The following TRAPPC11 variants were observed in gnomAD, a reference collection of about 807,000 sequenced individuals.
The protein encoded by TRAPPC11 is foie gras homolog.
In TRAPPC11, 104 loss-of-function variants were observed where a neutral mutation model predicts 151.2. The ratio of observed to expected loss-of-function variants is 0.69; its 90% CI spans 0.59 to 0.81. The LOEUF (loss-of-function observed/expected upper bound fraction) is 0.81. Ranked by LOEUF, TRAPPC11 falls within the 30% of genes least tolerant of loss-of-function variation. The pLI is 0.00. For missense variants in TRAPPC11, 1,230 were observed against 1,349.6 expected (o/e 0.91, Z 1.39); for synonymous variants, 456 against 472.3 (o/e 0.97, Z 0.45).
At chr4:183,704,277 T>G in intron 26 of TRAPPC11, among the ~76,000 whole-genome samples, 1 of 152,150 alleles carries the variant, frequency 6.6e-6, no homozygotes, top group Non-Finnish European at 1.5e-5. Flanking sequence ...TCCCAGCACT[T>G]TGGGAAGCTG....
At chr4:183,660,939 G>A (rs568278070) in intron 1 of TRAPPC11, among the ~76,000 whole-genome samples, 1 of 147,846 alleles carries the variant, frequency 6.8e-6, no homozygotes, top group African/African-American at 2.4e-5. Flanking sequence ...GTTTTGAACC[G>A]TTGACCTCGT....
intron 1 of TRAPPC11, among the ~76,000 whole-genome samples, chr4:183,662,632 A>G (rs1353504907): frequency 6.6e-6 from 1 of 152,192 alleles, no homozygotes; most frequent in Non-Finnish European, 1.5e-5. Context: ...GCTACTATTT[A>G]GATAATTACA....
At chr4:183,673,708 G>A (rs940015084) in intron 5 of TRAPPC11, among the ~76,000 whole-genome samples, 1 of 152,088 alleles carries the variant, frequency 6.6e-6, no homozygotes, top group African/African-American at 2.4e-5. Flanking sequence ...ATAATGAAAT[G>A]AAATGAAATG....
rs1242320725 is a variant in TRAPPC11 at position 183,712,793 on chromosome 4, T to C, written c.*149T>C. ...TATACCAACTATTCAGAGGAACTCA[T>C]ACTTCAAAAATATTAGGAAAATCTG... is the stretch of plus-strand genomic sequence containing the variant. On this transcript the variant is annotated 3_prime_UTR_variant, in exon 30 of 30. Transcript: ENST00000334690. 1.6e-6 allele frequency: 1 copy of C among 611,820 alleles called. No individual in the cohort carries two copies. Among genetic ancestry groups the C allele is most frequent in the African/African-American group, 1.9e-5 (1 of 53,704 alleles). The allele number at this position is 611,820 out of a possible 1,614,324, so 37.9% of individuals were successfully genotyped here. A position where few individuals can be genotyped will look rare whatever the true frequency, so the allele number is the denominator to read the frequency against.
rs2111364937 is a variant in TRAPPC11 at position 183,684,696 on chromosome 4, G to T, written c.1422G>T (p.Lys474Asn). ...AGTATTACATTTTGTCTTCTTTGAGGTTGCTGGATTATGTGATGTGTGATT... is the reference window on the plus strand; with the variant it reads ...AGTATTACATTTTGTCTTCTTTGAGTTTGCTGGATTATGTGATGTGTGATT... ...YYAKDYTKALKLLDYVMCDYR... is the reference protein window; with the variant it reads ...YYAKDYTKALNLLDYVMCDYR... Residue 474 changes from lysine to asparagine, a missense_variant and splice_region_variant, in exon 15 of 30, where the codon AAG becomes AAT. Lys to Asn is a moderately conservative substitution (Grantham distance 94). Transcript: ENST00000334690. 1 of 1,613,660 alleles carries T rather than the reference G, an allele frequency of 6.2e-7. No individual in the cohort carries two copies. Among genetic ancestry groups the T allele is most frequent in the Non-Finnish European group, 8.5e-7 (1 of 1,179,842 alleles).
intron 11 of TRAPPC11, 83 bp from the exon 12 acceptor site, chr4:183,683,892 C>CA: frequency 9.4e-7 from 1 of 1,069,120 alleles, no homozygotes; most frequent in Non-Finnish European, 1.4e-6. Flanking sequence ...ATAAAGGTTT[C>CA]AAGGAGTGTA....
At chr4:183,672,994 G>A (rs866548195) in intron 5 of TRAPPC11, among the ~76,000 whole-genome samples, 19 of 138,142 alleles carry the variant, frequency 1.4e-4, no homozygotes, top group African/African-American at 3.8e-4. Context: ...ATGGAGTCTC[G>A]CTCTGTTGCC....
chr4:183,668,560 T>C (rs1416825578), intron 5 of TRAPPC11, among the ~76,000 whole-genome samples: 1 of 152,230 alleles, frequency 6.6e-6, no homozygotes, highest in Admixed American at 6.5e-5. Context: ...CCCATGTCCT[T>C]GAGTGACATG....
chr4:183,662,012 C>T (rs1026862018), intron 1 of TRAPPC11, among the ~76,000 whole-genome samples: 3 of 151,982 alleles, frequency 2.0e-5, no homozygotes, highest in African/African-American at 7.2e-5. Flanking sequence ...AATCCTCTGG[C>T]CTTGTCCTCC....
In TRAPPC11 at chr4:183,684,727, A is replaced by G; in HGVS notation, c.1453A>G (p.Ser485Gly). Residue 485 changes from serine to glycine, a missense_variant, in exon 15 of 30, where the codon AGT becomes GGT. By Grantham distance (56) the Ser-to-Gly change is moderately conservative (BLOSUM62 0). Transcript: ENST00000334690. ...LLDYVMCDYR[S>G]EGWWTLLTSV... ...GGATTATGTGATGTGTGATTATCGG[A>G]GTGAAGGATGGTGGACTCTGCTCAC... is the stretch of plus-strand genomic sequence containing the variant. 6.2e-7 allele frequency: 1 copy of G among 1,613,932 alleles called. No individual in the cohort carries two copies. Among genetic ancestry groups the G allele is most frequent in the Non-Finnish European group, 8.5e-7 (1 of 1,179,948 alleles).
At chr4:183,703,625 C>T (rs1736906341) in intron 26 of TRAPPC11, among the ~76,000 whole-genome samples, 2 of 152,156 alleles carry the variant, frequency 1.3e-5, no homozygotes, top group Admixed American at 1.3e-4. Flanking sequence ...AATCCCAGCA[C>T]TTTCATAGAC....
intron 5 of TRAPPC11, among the ~76,000 whole-genome samples, chr4:183,672,960 ATT>A (rs35637688): frequency 4.0e-4 from 52 of 130,954 alleles, no homozygotes; most frequent in Admixed American, 4.7e-4. Context: ...CCGTTCGCAA[ATT>A]TTTTTTTTTT....
Position 183,685,083 on chromosome 4 carries a change from G to A in TRAPPC11, c.1568-1G>A, listed in dbSNP as rs1180079162. On this transcript the variant is annotated splice_acceptor_variant, in intron 15 of 29. Coordinates refer to ENST00000334690, the MANE Select transcript of TRAPPC11 (RefSeq NM_021942.6). LOFTEE classifies it high-confidence loss of function. ...TGTTTTTCCTTCTTTCTTCATACTA[G>A]CTTCAACTCTGAAAGATGACCAGAA... The A allele has an allele frequency of 6.2e-7, 1 of 1,613,294 alleles. No individual in the cohort carries two copies. The highest frequency in any genetic ancestry group is 8.5e-7 in the Non-Finnish European group (1 of 1,179,652).
intron 2 of TRAPPC11, among the ~76,000 whole-genome samples, chr4:183,665,312 T>C (rs1043988889): frequency 2.0e-5 from 3 of 152,000 alleles, no homozygotes; most frequent in Non-Finnish European, 4.4e-5. Flanking sequence ...GCCAGGATGG[T>C]CTCGATCTCC....
Position 183,664,018 on chromosome 4 carries a change from A to C in TRAPPC11, c.151A>C (p.Ile51Leu), listed in dbSNP as rs141053214. The change falls in exon 2 of 30, where the codon ATT becomes CTT. Residue 51 changes from isoleucine (I) to leucine (L), a missense_variant. Coordinates refer to ENST00000334690, the MANE Select transcript of TRAPPC11 (RefSeq NM_021942.6). ...CANRRADRVP[I>L]SFKVLPGDHE... The stretch of plus-strand genomic sequence containing the variant: ...AAATCGGAGAGCTGATCGAGTACCA[A>C]TTTCTTTCAAGGTGCTCCCAGGTGA... 2 of 1,613,662 alleles carry C rather than the reference A, an allele frequency of 1.2e-6. No individual in the cohort carries two copies.
intron 18 of TRAPPC11, among the ~76,000 whole-genome samples, chr4:183,686,955 C>T (rs573422503): frequency 2.0e-5 from 3 of 152,214 alleles, no homozygotes; most frequent in Non-Finnish European, 4.4e-5. Flanking sequence ...CCGAGGCAGG[C>T]AGATCACAAG....
intron 5 of TRAPPC11, among the ~76,000 whole-genome samples, chr4:183,671,104 G>C (rs1406296522): frequency 6.6e-6 from 1 of 152,170 alleles, no homozygotes; most frequent in Admixed American, 6.5e-5. Context: ...GACCTTAGGT[G>C]ATCCGCCCAC....
chr4:183,683,933 TAAATGAGCTGTCTA>T (rs1482732299), intron 11 of TRAPPC11, 28 bp from the exon 12 acceptor site: 1 of 1,491,022 alleles, frequency 6.7e-7, no homozygotes, highest in Non-Finnish European at 9.4e-7. Context: ...AGATTTATAT[TAAATGAGCTGTCTA>T]AAATGAGTTG....
chr4:183,676,211 G>A (rs1735400388), intron 7 of TRAPPC11, among the ~76,000 whole-genome samples: 2 of 151,620 alleles, frequency 1.3e-5, no homozygotes, highest in South Asian at 2.1e-4. Flanking sequence ...GTGCAGTGGC[G>A]CGATCTCGGC....
Sources: allele counts gnomAD v4.1 joint callset (sites outside exome capture counted in the v4.1 genomes callset), GRCh38; gene constraint gnomAD v4.1.1; transcripts MANE v1.5; gene names NCBI Gene and HGNC (gene_info 2026-07-23, HGNC 2026-07-21).